The following SYNE2 variants were observed in gnomAD, a reference collection of about 807,000 sequenced individuals.
The protein encoded by SYNE2 is spectrin repeat containing nuclear envelope protein 2, also known as nesprin-2.
A neutral mutation model predicts 856.3 loss-of-function variants in SYNE2; 431 were observed. The observed-to-expected ratio is 0.50, with a 90% CI of 0.47 to 0.55. The LOEUF (loss-of-function observed/expected upper bound fraction) is 0.55, where lower values mean the gene tolerates loss of function less well. Ranked by LOEUF, SYNE2 falls within the 20% of genes least tolerant of loss-of-function variation. The pLI, the probability that SYNE2 is intolerant of heterozygous loss-of-function variation, is 0.00. For synonymous variants in SYNE2, 2,923 were observed against 2,872.3 expected, an observed-to-expected ratio of 1.02 and a Z score of -0.56; for missense variants, 8,129 against 8,023.2, an observed-to-expected ratio of 1.01 and a Z score of -0.50.
At chr14:64,204,011 C>CT (rs2098593443) in intron 100 of SYNE2, among the ~76,000 whole-genome samples, 3 of 152,204 alleles carry the variant, frequency 2.0e-5, no homozygotes, top group Admixed American at 2.0e-4. Context: ...GCCACCATGC[C>CT]TGGCCCTCCC....
chr14:64,110,086 C>G (rs1370940117), intron 65 of SYNE2, among the ~76,000 whole-genome samples: 2 of 151,990 alleles, frequency 1.3e-5, no homozygotes, highest in African/African-American at 4.8e-5. Context: ...AGGTACTGTA[C>G]TTTAGGTATG....
chr14:64,216,219 A>T, intron 107 of SYNE2, 29 bp from the exon 108 acceptor site: 1 of 1,613,728 alleles, frequency 6.2e-7, no homozygotes, highest in African/African-American at 1.3e-5. Flanking sequence ...AGGAGAGAAT[A>T]GACTGTCGCT....
intron 29 of SYNE2, 120 bp downstream of exon 29, chr14:64,002,201 T>C (rs1343360670): frequency 2.3e-6 from 2 of 869,866 alleles, no homozygotes; most frequent in Non-Finnish European, 3.6e-6. Flanking sequence ...GCCATGACAG[T>C]TTTTTTTTCA....
intron 85 of SYNE2, among the ~76,000 whole-genome samples, chr14:64,153,212 G>A (rs1292948152): frequency 1.3e-5 from 2 of 152,328 alleles, no homozygotes; most frequent in Middle Eastern, 6.8e-3. Context: ...AAGGAAGAAA[G>A]GGTGCAAGAC....
At chr14:64,189,069 C>A in intron 98 of SYNE2, 1 of 685,798 alleles carries the variant, frequency 1.5e-6, no homozygotes, top group South Asian at 1.6e-5. Context: ...CGTGGTGGCT[C>A]ATTGCTGTAA....
At position 64,022,035 on chromosome 14, in the gene SYNE2, G is replaced by A. The variant is rs764808272; in HGVS notation, c.5524+7G>A. On this transcript the variant is annotated splice_region_variant and intron_variant, in intron 37 of 115. Transcript: ENST00000555002. ...TTTTCTAAGTTATTGAATGGTGAGT[G>A]CAACATTTCTCTTATTTTGTTTCTG... 1 of 1,612,744 alleles carries A rather than the reference G, an allele frequency of 6.2e-7. No homozygotes were observed. The highest frequency in any genetic ancestry group is 2.2e-5 in the East Asian group (1 of 44,742).
chr14:64,035,342 T>G (rs2097078452), intron 45 of SYNE2, among the ~76,000 whole-genome samples: 1 of 151,930 alleles, frequency 6.6e-6, no homozygotes, highest in African/African-American at 2.4e-5. Context: ...TTGTTTATCC[T>G]GTTAACTCAG....
At position 64,122,301 on chromosome 14, in the gene SYNE2, C is replaced by T; in HGVS notation, c.13296C>T (p.Ser4432=). 3.7e-6 allele frequency: 6 copies of T among 1,614,150 alleles called. No homozygotes were observed. The highest frequency in any genetic ancestry group is 5.1e-6 in the Non-Finnish European group (6 of 1,180,024). ...TCTTCAAAAGCAACCAGGCATCCAG[C>T]CCTGAAAATGACGTTCCAGACTCGA... The part of the protein sequence containing the change: ...QESSASNQAS[S]PENDVPDSIL... Residue 4432 remains serine (S), a synonymous_variant, in exon 70 of 116, where the codon AGC becomes AGT. Transcript: ENST00000555002.
At chr14:64,160,633 A>C (rs760470066) in intron 87 of SYNE2, among the ~76,000 whole-genome samples, 1 of 152,226 alleles carries the variant, frequency 6.6e-6, no homozygotes, top group African/African-American at 2.4e-5. Flanking sequence ...TTGATTCTTT[A>C]ATCAGCAGGG....
chr14:64,024,912 A>G lies in SYNE2; in HGVS notation c.5841A>G (p.Arg1947=). ...ELEDSLQQLL[R]LQDDHRNLRK... ...TTAAACATGTGTAATGCTCTTTTAGACTCCAGGATGACCATAGAAACCTGA... is the reference window on the plus strand; with the variant it reads ...TTAAACATGTGTAATGCTCTTTTAGGCTCCAGGATGACCATAGAAACCTGA... Residue 1947 remains arginine (R), a splice_region_variant and synonymous_variant, in exon 40 of 116, where the codon AGA becomes AGG. Coordinates refer to ENST00000555002, the MANE Select transcript of SYNE2 (RefSeq NM_182914.3). 1.2e-6 allele frequency: 2 copies of G among 1,613,854 alleles called. No homozygotes were observed. The highest frequency in any genetic ancestry group is 1.7e-6 in the Non-Finnish European group (2 of 1,179,860).
At chr14:63,996,284 T>A (rs139154609) in intron 23 of SYNE2, among the ~76,000 whole-genome samples, 1 of 152,342 alleles carries the variant, frequency 6.6e-6, no homozygotes, top group East Asian at 1.9e-4. Context: ...CCCAGTGGTG[T>A]TGCCAGTTAC....
At chr14:63,973,680 C>G (rs977341586) in intron 11 of SYNE2, among the ~76,000 whole-genome samples, 4 of 148,522 alleles carry the variant, frequency 2.7e-5, no homozygotes, top group Admixed American at 1.4e-4. Context: ...TTGCCATATG[C>G]CTTTTGAGAA....
At chr14:63,853,883 T>G (rs1555346294) in intron 1 of SYNE2, among the ~76,000 whole-genome samples, 2 of 152,076 alleles carry the variant, frequency 1.3e-5, no homozygotes, top group Non-Finnish European at 2.9e-5. Flanking sequence ...GGTGGCACCT[T>G]CTCCTCCTTA....
At position 64,134,101 on chromosome 14, in the gene SYNE2, T is replaced by C. The variant is rs1434648659; in HGVS notation, c.14547T>C (p.Ser4849=). The change falls in exon 78 of 116, where the codon TCT becomes TCC. Residue 4849 remains serine, a synonymous_variant. Transcript: ENST00000555002. The part of the protein sequence containing the change: ...KWEEFDENYA[S]LEKDLEILIS... ...AAGAATTTGATGAAAACTATGCATCTCTTGAAAAGGACCTGGAAATTCTTA... is the reference window on the plus strand; with the variant it reads ...AAGAATTTGATGAAAACTATGCATCCCTTGAAAAGGACCTGGAAATTCTTA... 1 of 1,614,012 alleles carries C rather than the reference T, an allele frequency of 6.2e-7. No homozygotes were observed. The highest frequency in any genetic ancestry group is 1.7e-5 in the Admixed American group (1 of 60,002).
rs1459614876 is a variant in SYNE2 at position 63,961,602 on chromosome 14, C to A, written c.865C>A (p.Pro289Thr). The A allele has an allele frequency of 6.2e-7, 1 of 1,613,828 alleles. No homozygotes were observed. Among genetic ancestry groups the A allele is most frequent in the Middle Eastern group, 1.7e-4 (1 of 6,060 alleles). Residue 289 changes from proline (P) to threonine (T), a missense_variant, in exon 9 of 116, where the codon CCT becomes ACT. Pro to Thr is a conservative substitution (Grantham distance 38, BLOSUM62 -1). This residue lies in a region of SYNE2 where 2,422 missense variants were observed against 2,357.4 expected (regional missense o/e 1.03). Coordinates refer to ENST00000555002, the MANE Select transcript of SYNE2 (RefSeq NM_182914.3). ...AQFLQYSKDA[P>T]GTGEEAQGKV... Reference sequence around the variant, plus strand: ...GTTTCTGCAGTATTCCAAAGATGCCCCTGGGACTGGAGAGGAGGCTCAGGT... The same window carrying A: ...GTTTCTGCAGTATTCCAAAGATGCCACTGGGACTGGAGAGGAGGCTCAGGT...
Position 63,998,960 on chromosome 14 carries a change from A to G in SYNE2, c.3400A>G (p.Lys1134Glu). Residue 1134 changes from lysine to glutamate, a missense_variant, in exon 27 of 116, where the codon AAA becomes GAA. By Grantham distance (56) the Lys-to-Glu change is moderately conservative. This residue lies in a region of SYNE2 where 2,422 missense variants were observed against 2,357.4 expected (regional missense o/e 1.03). Coordinates refer to ENST00000555002, the MANE Select transcript of SYNE2 (RefSeq NM_182914.3). ...DILEHHLQNN[K>E]FRITSDFSSE... ...TCTTGAACACCACCTGCAAAACAAC[A>G]AATTCAGGATTACTTCTGATTTCTC... The G allele has an allele frequency of 1.2e-6, 2 of 1,614,142 alleles. No homozygotes were observed. Among genetic ancestry groups the G allele is most frequent in the South Asian group, 2.2e-5 (2 of 91,078 alleles).
chr14:64,065,546 G>A lies in SYNE2; in HGVS notation c.10327G>A (p.Val3443Met), dbSNP rs564182126. 14 of 1,614,150 alleles carry A rather than the reference G, an allele frequency of 8.7e-6. 1 individual carries two copies. In the Admixed American group the frequency reaches 1.7e-4, roughly 19 times the overall value. The change falls in exon 51 of 116, where the codon GTG (valine) becomes ATG (methionine). Residue 3443 changes from valine to methionine, a missense_variant. This residue lies in a region of SYNE2 where 5,410 missense variants were observed against 5,284.8 expected (regional missense o/e 1.02). Coordinates refer to ENST00000555002, the MANE Select transcript of SYNE2 (RefSeq NM_182914.3). ...TGATGGCATATGTTTGCTCAAGATT[G>A]TGTCGGCTCTGTGGGAGAAATGGCT... Reference protein sequence around the residue: ...ENDGICLLKIVSALWEKWLSL... With the variant: ...ENDGICLLKIMSALWEKWLSL...
At chr14:64,021,595 T>TA in intron 36 of SYNE2, 80 bp downstream of exon 36, 1 of 1,535,476 alleles carries the variant, frequency 6.5e-7, no homozygotes, top group East Asian at 2.3e-5. Flanking sequence ...TTAGAGTTAA[T>TA]AAAAATAGAA....
chr14:64,030,195 G>GTC (rs1358453104), intron 44 of SYNE2, 136 bp downstream of exon 44: 3 of 881,042 alleles, frequency 3.4e-6, no homozygotes, highest in Non-Finnish European at 3.6e-6. Flanking sequence ...GCTCTGACCA[G>GTC]TCATAATAAA....
Sources: allele counts gnomAD v4.1 joint callset (sites outside exome capture counted in the v4.1 genomes callset), GRCh38; gene constraint gnomAD v4.1.1; regional missense constraint gnomAD v4.1.1; transcripts MANE v1.5; gene names NCBI Gene and HGNC (gene_info 2026-07-23, HGNC 2026-07-21).